The following MGAT4C variants were observed in gnomAD, a reference collection of about 807,000 sequenced individuals.
The protein encoded by MGAT4C is alpha-1,3-mannosyl-glycoprotein 4-beta-N-acetylglucosaminyltransferase C.
MGAT4C carries 19 observed loss-of-function variants against 40.1 expected under a neutral mutation model. The observed-to-expected ratio is 0.47, with a 90% CI of 0.33 to 0.70. The LOEUF (loss-of-function observed/expected upper bound fraction) is 0.70, where lower values mean the gene tolerates loss of function less well. Ranked by LOEUF, MGAT4C falls within the 30% of genes least tolerant of loss-of-function variation. MGAT4C has a pLI of 0.02. For missense variants in MGAT4C, 491 were observed against 563.2 expected, an observed-to-expected ratio of 0.87 and a Z score of 1.30; for synonymous variants, 181 against 187.1, an observed-to-expected ratio of 0.97 and a Z score of 0.27.
intron 3 of MGAT4C, among the ~76,000 whole-genome samples, chr12:86,347,416 G>A (rs935101580): frequency 2.6e-5 from 4 of 152,174 alleles, no homozygotes; most frequent in Middle Eastern, 3.4e-3. Flanking sequence ...CACTGAATTC[G>A]TGACTTATAG....
chr12:86,726,254 G>A (rs746270228), intron 2 of MGAT4C, among the ~76,000 whole-genome samples: 3 of 152,158 alleles, frequency 2.0e-5, no homozygotes, highest in Non-Finnish European at 2.9e-5. Context: ...GAAGTCACAT[G>A]AATACACATT....
chr12:86,316,527 A>G (rs1954236761), intron 4 of MGAT4C, among the ~76,000 whole-genome samples: 1 of 152,220 alleles, frequency 6.6e-6, no homozygotes, highest in Non-Finnish European at 1.5e-5. Context: ...ATGGGACACT[A>G]GGCAGCCATA....
At chr12:86,376,464 C>A (rs1260915337) in intron 3 of MGAT4C, among the ~76,000 whole-genome samples, 1 of 151,846 alleles carries the variant, frequency 6.6e-6, no homozygotes, top group Admixed American at 6.6e-5. Context: ...ATTTTTTAGT[C>A]AGAATGTAAA....
At chr12:86,348,912 AT>A (rs1425140744) in intron 3 of MGAT4C, among the ~76,000 whole-genome samples, 2 of 152,088 alleles carry the variant, frequency 1.3e-5, no homozygotes, top group Non-Finnish European at 2.9e-5. Flanking sequence ...ATTTTAAATA[AT>A]TATTATCAAC....
chr12:86,270,027 A>T (rs1952902473), intron 4 of MGAT4C, among the ~76,000 whole-genome samples: 1 of 151,916 alleles, frequency 6.6e-6, no homozygotes, highest in Non-Finnish European at 1.5e-5. Flanking sequence ...CACCTCCCGT[A>T]GTGGATCTCT....
In MGAT4C at chr12:86,256,337, T is replaced by C. The variant is rs1952517796; in HGVS notation, c.-155A>G. On this transcript the variant is annotated 5_prime_UTR_variant, in exon 1 of 5. Transcript: ENST00000611864. Reference sequence around the variant, plus strand: ...TGGGCCTCACACAAAAGCGAGATAATTGGCTCTCAATGAAGAGATGTAAAC... The same window carrying C: ...TGGGCCTCACACAAAAGCGAGATAACTGGCTCTCAATGAAGAGATGTAAAC... The C allele has an allele frequency of 6.6e-6, 1 of 152,140 alleles. No homozygotes were observed. 9.4% of individuals were successfully genotyped at this position (152,140 alleles called of 1,614,324 possible). A position where few individuals can be genotyped will look rare whatever the true frequency, so the allele number is the denominator to read the frequency against.
At chr12:86,454,702 G>A (rs1217643349) in intron 2 of MGAT4C, among the ~76,000 whole-genome samples, 1 of 152,118 alleles carries the variant, frequency 6.6e-6, no homozygotes, top group Non-Finnish European at 1.5e-5. Flanking sequence ...GGGCACTGGA[G>A]TAGTAAGCAA....
At chr12:86,401,016 T>C (rs1009010716) in intron 3 of MGAT4C, among the ~76,000 whole-genome samples, 3 of 152,114 alleles carry the variant, frequency 2.0e-5, no homozygotes, top group Non-Finnish European at 4.4e-5. Context: ...GGAGAGACTT[T>C]ACTAAAGAAA....
intron 3 of MGAT4C, among the ~76,000 whole-genome samples, chr12:86,357,443 G>A (rs936174681): frequency 2.6e-5 from 4 of 152,142 alleles, no homozygotes; most frequent in African/African-American, 4.8e-5. Context: ...GCTGCTCCTC[G>A]TCAGCAATGG....
chr12:86,454,982 G>A (rs1957487739), intron 2 of MGAT4C, among the ~76,000 whole-genome samples: 1 of 151,738 alleles, frequency 6.6e-6, no homozygotes, highest in Non-Finnish European at 1.5e-5. Flanking sequence ...AAAGAGGCTG[G>A]TGCTGCTTTT....
chr12:86,596,117 G>A (rs1961528217), intron 2 of MGAT4C, among the ~76,000 whole-genome samples: 1 of 151,376 alleles, frequency 6.6e-6, no homozygotes, highest in Admixed American at 6.6e-5. Flanking sequence ...AAGTTCTAGG[G>A]TACATGTGCA....
At chr12:86,495,741 T>C (rs1565803240) in intron 2 of MGAT4C, among the ~76,000 whole-genome samples, 1 of 152,096 alleles carries the variant, frequency 6.6e-6, no homozygotes, top group Non-Finnish European at 1.5e-5. Flanking sequence ...TGACCCTCCA[T>C]GTCTTAAAAC....
chr12:86,042,656 G>A (rs770487252), intron 2 of MGAT4C, among the ~76,000 whole-genome samples: 10 of 151,950 alleles, frequency 6.6e-5, no homozygotes, highest in Admixed American at 1.3e-4. Flanking sequence ...ACAGGGTCAG[G>A]AGATTGAGAC....
intron 2 of MGAT4C, among the ~76,000 whole-genome samples, chr12:86,037,791 C>T (rs758748186): frequency 2.0e-5 from 3 of 149,616 alleles, no homozygotes; most frequent in South Asian, 2.1e-4. Flanking sequence ...AGAGTTCTGT[C>T]GATGTATATT....
chr12:86,434,171 T>A (rs1214210416), intron 3 of MGAT4C, among the ~76,000 whole-genome samples: 1 of 151,994 alleles, frequency 6.6e-6, no homozygotes, highest in African/African-American at 2.4e-5. Flanking sequence ...AAGAATAAAA[T>A]CTGAATCATA....
chr12:86,397,250 T>G (rs945985431), intron 3 of MGAT4C, among the ~76,000 whole-genome samples: 1 of 152,100 alleles, frequency 6.6e-6, no homozygotes, highest in Non-Finnish European at 1.5e-5. Context: ...TTGTACATAT[T>G]AATATATATG....
intron 1 of MGAT4C, among the ~76,000 whole-genome samples, chr12:86,782,171 A>ATTTTTTT (rs57791582): frequency 1.7e-4 from 7 of 40,276 alleles, no homozygotes; most frequent in Admixed American, 4.7e-4. Flanking sequence ...TGTTTTTTGT[A>ATTTTTTT]TTTTTTTTTT....
chr12:86,013,431 T>A (rs891800382), intron 2 of MGAT4C, among the ~76,000 whole-genome samples: 5 of 152,080 alleles, frequency 3.3e-5, no homozygotes, highest in Non-Finnish European at 7.4e-5. Context: ...AGTAATGTTT[T>A]AAATAGAAAT....
intron 1 of MGAT4C, among the ~76,000 whole-genome samples, chr12:86,172,348 C>A (rs562273600): frequency 3.9e-5 from 6 of 152,104 alleles, no homozygotes; most frequent in Non-Finnish European, 8.8e-5. Context: ...ACTGAAAACA[C>A]TTGTTCAGTG....
Sources: allele counts gnomAD v4.1 joint callset (sites outside exome capture counted in the v4.1 genomes callset), GRCh38; gene constraint gnomAD v4.1.1; transcripts MANE v1.5; gene names NCBI Gene and HGNC (gene_info 2026-07-23, HGNC 2026-07-21).